Variants in KCNT1 observed in about 807,000 individuals in gnomAD.
The protein encoded by KCNT1 is potassium sodium-activated channel subfamily T member 1, also known as potassium channel subfamily T member 1.
Under a neutral mutation model 147.8 loss-of-function variants are expected in KCNT1, and 78 were observed. The ratio of observed to expected loss-of-function variants is 0.53; its 90% CI spans 0.44 to 0.64. The LOEUF (loss-of-function observed/expected upper bound fraction) is 0.64, where lower values mean the gene tolerates loss of function less well. KCNT1 is among the 30% of genes least tolerant of loss of function. KCNT1 has a pLI of 0.00. For missense variants in KCNT1, 1,419 were observed against 1,750.3 expected, an observed-to-expected ratio of 0.81 and a Z score of 3.38; for synonymous variants, 867 against 748.8, an observed-to-expected ratio of 1.16 and a Z score of -2.58.
chr9:135,758,360 C>A, intron 9 of KCNT1, 54 bp from the exon 10 acceptor site: 1 of 1,341,614 alleles, frequency 7.5e-7, no homozygotes, highest in Non-Finnish European at 1.1e-6. Flanking sequence ...TATTCATTGG[C>A]TCCTGGCGGG....
chr9:135,775,400 C>T lies in KCNT1; in HGVS notation c.2334C>T (p.Cys778=). ...HLLPVKAPFC[C]LRLDKGCKHN... ...TGCCTGTGAAAGCCCCCTTCTGCTG[C>T]CTGCGGCTGGACAAGGTAAGGCTGG... Residue 778 remains cysteine, a synonymous_variant, in exon 20 of 31, where the codon TGC becomes TGT. Coordinates refer to ENST00000371757, the MANE Select transcript of KCNT1 (RefSeq NM_020822.3). 6.2e-7 allele frequency: 1 copy of T among 1,610,364 alleles called. No homozygotes were observed. The highest frequency in any genetic ancestry group is 8.5e-7 in the Non-Finnish European group (1 of 1,178,172).
chr9:135,750,008 G>C, intron 2 of KCNT1, 90 bp from the exon 3 acceptor site: 1 of 1,012,598 alleles, frequency 9.9e-7, no homozygotes. Context: ...TGGAAAGTTG[G>C]AAGAAGTCAG....
intron 6 of KCNT1, among the ~76,000 whole-genome samples, chr9:135,755,747 G>C (rs1831441226): frequency 6.6e-6 from 1 of 150,908 alleles, no homozygotes; most frequent in Non-Finnish European, 1.5e-5. Context: ...TCAGTAAACA[G>C]GTGACTCAGG....
Position 135,765,708 on chromosome 9 carries a change from G to T in KCNT1, c.1285G>T (p.Val429Phe). The stretch of plus-strand genomic sequence containing the variant: ...GCAGATCCCTCTGTGGTCCCAGCGG[G>T]TCATCTACCTCCAGGGCTCTGCACT... ...VLQIPLWSQRVIYLQGSALKD... is the reference protein window; with the variant it reads ...VLQIPLWSQRFIYLQGSALKD... Residue 429 changes from valine (V) to phenylalanine (F), a missense_variant, in exon 13 of 31, where the codon GTC (valine) becomes TTC (phenylalanine). This residue lies in a region of KCNT1 where 401 missense variants were observed against 610.6 expected (regional missense o/e 0.66). Transcript: ENST00000371757. The T allele has an allele frequency of 3.7e-6, 6 of 1,610,442 alleles. No individual in the cohort carries two copies. The highest frequency in any genetic ancestry group is 5.1e-6 in the Non-Finnish European group (6 of 1,178,610).
At chr9:135,776,619 C>T (rs932332850) in intron 20 of KCNT1, among the ~76,000 whole-genome samples, 3 of 152,180 alleles carry the variant, frequency 2.0e-5, no homozygotes, top group Non-Finnish European at 2.9e-5. Context: ...TGTTAGGGCT[C>T]GGCCACGGAG....
chr9:135,747,138 G>C (rs1309657561), intron 2 of KCNT1, among the ~76,000 whole-genome samples: 3 of 152,094 alleles, frequency 2.0e-5, no homozygotes, highest in Non-Finnish European at 4.4e-5. Context: ...CCCCCAAGGA[G>C]AACGGAGCGG....
At chr9:135,746,364 G>A (rs758741748) in intron 2 of KCNT1, among the ~76,000 whole-genome samples, 2 of 152,196 alleles carry the variant, frequency 1.3e-5, no homozygotes, top group African/African-American at 2.4e-5. Context: ...TCTCCCTAAG[G>A]GGGGCTCAGT....
intron 2 of KCNT1, among the ~76,000 whole-genome samples, chr9:135,733,740 C>T (rs985593578): frequency 3.9e-4 from 58 of 148,928 alleles, no homozygotes; most frequent in African/African-American, 1.2e-3. Context: ...ACTGCTGAGC[C>T]GGAGACCCAG....
At chr9:135,729,835 C>G (rs1332089856) in intron 2 of KCNT1, among the ~76,000 whole-genome samples, 1 of 152,286 alleles carries the variant, frequency 6.6e-6, no homozygotes, top group Non-Finnish European at 1.5e-5. Context: ...CCTGGTTGCC[C>G]GTGTCAAAGA....
chr9:135,791,849 G>C lies in KCNT1; in HGVS notation c.3555G>C (p.Pro1185=), dbSNP rs144068763. Reference sequence around the variant, plus strand: ...TCTCCTACGTCCTCATCAACCCTCCGCCCGACACGAGGCTGGAGCCCAGTG... The same window carrying C: ...TCTCCTACGTCCTCATCAACCCTCCCCCCGACACGAGGCTGGAGCCCAGTG... ...NTLSYVLINP[P]PDTRLEPSDI... is the part of the protein sequence containing the mutation. The change falls in exon 30 of 31, where the codon CCG becomes CCC. Residue 1185 remains proline (P), a synonymous_variant. Transcript: ENST00000371757. 6.2e-7 allele frequency: 1 copy of C among 1,613,854 alleles called. No homozygotes were observed. The highest frequency in any genetic ancestry group is 1.1e-5 in the South Asian group (1 of 91,036).
intron 24 of KCNT1, among the ~76,000 whole-genome samples, chr9:135,780,199 C>T (rs1199414297): frequency 1.3e-5 from 2 of 152,244 alleles, no homozygotes; most frequent in Non-Finnish European, 2.9e-5. Context: ...CACACGGGGG[C>T]TGGTGCCCAG....
At position 135,772,848 on chromosome 9, in the gene KCNT1, G is replaced by A. The variant is rs370580872; in HGVS notation, c.2142G>A (p.Leu714=). The A allele has an allele frequency of 2.0e-4, 311 of 1,545,446 alleles. No individual in the cohort carries two copies. The African/African-American group carries it at 3.8e-3, about 19-fold the overall frequency. The change falls in exon 19 of 31, where the codon CTG becomes CTA. Residue 714 remains leucine, a synonymous_variant. Transcript: ENST00000371757. ...GSRRPSIAPV[L]ELADSSALLP... is the part of the protein sequence containing the mutation. ...GGCGGCCCAGCATCGCGCCCGTCCTGGAACTGGCCGACAGCTCAGCCCTGC... is the reference window on the plus strand; with the variant it reads ...GGCGGCCCAGCATCGCGCCCGTCCTAGAACTGGCCGACAGCTCAGCCCTGC...
At chr9:135,757,083 A>AC in intron 7 of KCNT1, 73 bp from the exon 8 acceptor site, 320 of 453,484 alleles carry the variant, frequency 7.1e-4, no homozygotes, top group Admixed American at 3.9e-3. Flanking sequence ...CCTCTTCCCC[A>AC]CCCTGCCCCT....
intron 18 of KCNT1, among the ~76,000 whole-genome samples, chr9:135,772,154 A>G (rs1832804666): frequency 2.0e-5 from 3 of 152,096 alleles, no homozygotes; most frequent in Non-Finnish European, 4.4e-5. Flanking sequence ...CCACACCTCC[A>G]CCTTCACCTG....
intron 11 of KCNT1, among the ~76,000 whole-genome samples, chr9:135,764,459 C>CA (rs750258854): frequency 1.7e-4 from 26 of 151,896 alleles, no homozygotes; most frequent in East Asian, 7.8e-4. Flanking sequence ...GCCTCCGTCT[C>CA]AAAAAAAAGA....
At chr9:135,736,729 C>T in intron 2 of KCNT1, 1 of 373,318 alleles carries the variant, frequency 2.7e-6, no homozygotes, top group Non-Finnish European at 4.8e-6. Flanking sequence ...GCCTCACGGG[C>T]TCAGCCCGCT....
chr9:135,725,889 CCCG>C (rs1232420029), intron 2 of KCNT1, among the ~76,000 whole-genome samples: 2 of 152,070 alleles, frequency 1.3e-5, no homozygotes, highest in Admixed American at 1.3e-4. Context: ...CCCCCTCCCA[CCCG>C]CCCTGGGAGC....
At chr9:135,704,371 T>C (rs1179028552) in intron 1 of KCNT1, among the ~76,000 whole-genome samples, 1 of 152,184 alleles carries the variant, frequency 6.6e-6, no homozygotes, top group Non-Finnish European at 1.5e-5. Context: ...ACGCTAGTGG[T>C]GTCCCTGAGT....
intron 1 of KCNT1, among the ~76,000 whole-genome samples, chr9:135,711,672 G>A (rs1389458034): frequency 1.3e-5 from 2 of 152,218 alleles, no homozygotes; most frequent in African/African-American, 2.4e-5. Flanking sequence ...TCCTGTTGCC[G>A]TGCCCAGGTG....
Sources: gnomAD v4.1 joint callset for allele counts (sites outside exome capture counted in the v4.1 genomes callset) on GRCh38, gnomAD v4.1.1 for gene constraint, gnomAD v4.1.1 regional missense constraint, MANE v1.5 for transcripts, NCBI Gene and HGNC (gene_info 2026-07-23, HGNC 2026-07-21) for gene names.